Variants in PCDHGA8 observed in about 807,000 individuals in gnomAD.
The protein encoded by PCDHGA8 is protocadherin gamma subfamily A, 8.
Under a neutral mutation model 59.2 loss-of-function variants are expected in PCDHGA8, and 45 were observed. That is an observed-to-expected ratio of 0.76 (90% CI 0.60 to 0.98). The LOEUF is 0.98. Ranked by LOEUF, PCDHGA8 falls within the 50% of genes least tolerant of loss-of-function variation. The probability of loss-of-function intolerance (pLI) is 0.00; values close to 1 mark genes in which losing one functional copy is unlikely to be tolerated. For synonymous variants in PCDHGA8, 531 were observed against 519.0 expected (o/e 1.02, Z -0.32); for missense variants, 1,257 against 1,196.2 (o/e 1.05, Z -0.75).
Position 141,493,858 on chromosome 5 carries a change from C to A in PCDHGA8, c.2425-949C>A, listed in dbSNP as rs2099750481. Among the ~76,000 whole-genome samples, 1 of 152,184 alleles carries A rather than the reference C, an allele frequency of 6.6e-6. No homozygotes were observed. The highest frequency in any genetic ancestry group is 1.5e-5 in the Non-Finnish European group (1 of 68,030). On this transcript the variant is annotated intron_variant, in intron 1 of 3. Transcript: ENST00000398604. The surrounding 1 kb of genome is among the most constrained non-coding windows in gnomAD (Gnocchi z 4.3). ...AGTATGAGTATTAATTACCAGCCCA[C>A]CCCAGAACCAGTGAGGAGGTGGCTC...
At chr5:141,415,740 G>GTTTTTTTTTTTTTTTTT (rs57426385) in intron 1 of PCDHGA8, 21 of 625,042 alleles carry the variant, frequency 3.4e-5, no homozygotes, top group African/African-American at 7.5e-5. Flanking sequence ...GTTTATTAAG[G>GTTTTTTTTTTTTTTTTT]TTTTTTTTTT....
intron 1 of PCDHGA8, chr5:141,399,313 A>C: frequency 6.2e-7 from 1 of 1,613,952 alleles, no homozygotes; most frequent in Non-Finnish European, 8.5e-7. Flanking sequence ...TTCATCCAAA[A>C]ATTCGTATAA....
At chr5:141,419,635 G>A in intron 1 of PCDHGA8, 1 of 1,612,480 alleles carries the variant, frequency 6.2e-7, no homozygotes, top group African/African-American at 1.3e-5. Flanking sequence ...CCAAGGTGGT[G>A]GCCGTGGACG....
At chr5:141,441,386 G>A (rs2098243752) in intron 1 of PCDHGA8, 1 of 153,358 alleles carries the variant, frequency 6.5e-6, no homozygotes, top group African/African-American at 2.4e-5. Flanking sequence ...ACAGACCCAA[G>A]GTATAACATC....
At chr5:141,425,289 A>C (rs17208404) in intron 1 of PCDHGA8, among the ~76,000 whole-genome samples, 26,691 of 152,172 alleles carry the variant, frequency 0.18, 2,539 homozygotes, top group Admixed American at 0.28. Flanking sequence ...CATATTATAA[A>C]ACCTCATCTA....
rs747917835 is a variant in PCDHGA8 at position 141,487,659 on chromosome 5, AT to A, written c.2425-7147del. 3.7e-6 allele frequency: 6 copies of A among 1,613,466 alleles called. No homozygotes were observed. Among genetic ancestry groups the A allele is most frequent in the Non-Finnish European group, 5.1e-6 (6 of 1,179,716 alleles). On this transcript the variant is annotated intron_variant, in intron 1 of 3. Coordinates refer to ENST00000398604, the MANE Select transcript of PCDHGA8 (RefSeq NM_032088.2). This position sits in a 1 kb window ranked among gnomAD's most constrained non-coding sequence, Gnocchi z 5.0. ...CAACAAATGCTTGAGGGTTATTCTGATCCAGGCATATGGCTAGGCCATGTCC... is the reference window on the plus strand; with the variant it reads ...CAACAAATGCTTGAGGGTTATTCTGACCAGGCATATGGCTAGGCCATGTCC...
rs2097419057 is a variant in PCDHGA8 at position 141,431,807 on chromosome 5, A to G, written c.2424+36570A>G. 4 of 1,614,050 alleles carry G rather than the reference A, an allele frequency of 2.5e-6. No individual in the cohort carries two copies. Among genetic ancestry groups the G allele is most frequent in the Non-Finnish European group, 2.5e-6 (3 of 1,180,038 alleles). On this transcript the variant is annotated intron_variant, in intron 1 of 3. Coordinates refer to ENST00000398604, the MANE Select transcript of PCDHGA8 (RefSeq NM_032088.2). This position sits in a 1 kb window ranked among gnomAD's most constrained non-coding sequence, Gnocchi z 4.8. ...CGACAATGCCCCAGAAGTGGTCCTC[A>G]CCTCTCTCGCCAGCTCGGTTCCCGA... is the stretch of plus-strand genomic sequence containing the variant.
rs142172414 is a variant in PCDHGA8, at chr5:141,477,145, G to A, written c.2425-17662G>A. On this transcript the variant is annotated intron_variant, in intron 1 of 3. Coordinates refer to ENST00000398604, the MANE Select transcript of PCDHGA8 (RefSeq NM_032088.2). The surrounding 1 kb of genome is among the most constrained non-coding windows in gnomAD (Gnocchi z 4.9). ...ATTGCAAAGTGTTGGTGGAGGTTGT[G>A]GATGTGAATGACAACGCCCCGGAGA... The A allele has an allele frequency of 3.7e-6, 6 of 1,614,054 alleles. No homozygotes were observed. The African/African-American group carries it at 8.0e-5, about 22-fold the overall frequency.
intron 1 of PCDHGA8, among the ~76,000 whole-genome samples, chr5:141,406,983 A>G (rs997882236): frequency 6.6e-6 from 1 of 152,250 alleles, no homozygotes; most frequent in Non-Finnish European, 1.5e-5. Context: ...AACATTTCAC[A>G]AGACATTTGA....
intron 1 of PCDHGA8, chr5:141,415,094 A>T: frequency 1.9e-6 from 3 of 1,613,530 alleles, no homozygotes; most frequent in Non-Finnish European, 2.5e-6. Flanking sequence ...CTGGACAGAG[A>T]CGCGCTCAAG....
At chr5:141,422,791 G>T (rs2096673253) in intron 1 of PCDHGA8, 2 of 1,614,020 alleles carry the variant, frequency 1.2e-6, no homozygotes, top group South Asian at 1.1e-5. Context: ...ACAATCCTTC[G>T]ACTATGAGCA....
intron 1 of PCDHGA8, chr5:141,427,815 G>A: frequency 6.5e-7 from 1 of 1,527,760 alleles, no homozygotes; most frequent in Non-Finnish European, 9.0e-7. Context: ...ACAGAGCGGG[G>A]TGGTGGTCGC....
chr5:141,501,964 A>G (rs1374872785), intron 2 of PCDHGA8, among the ~76,000 whole-genome samples: 1 of 151,854 alleles, frequency 6.6e-6, no homozygotes, highest in East Asian at 1.9e-4. Flanking sequence ...TCATCCTCCT[A>G]ACCTCTGGCA....
In PCDHGA8 at chr5:141,490,795, C is replaced by A; in HGVS notation, c.2425-4012C>A. The A allele has an allele frequency of 1.3e-5, 21 of 1,614,036 alleles. No homozygotes were observed. Among genetic ancestry groups the A allele is most frequent in the Non-Finnish European group, 1.8e-5 (21 of 1,179,922 alleles). On this transcript the variant is annotated intron_variant, in intron 1 of 3. Coordinates refer to ENST00000398604, the MANE Select transcript of PCDHGA8 (RefSeq NM_032088.2). This position sits in a 1 kb window ranked among gnomAD's most constrained non-coding sequence, Gnocchi z 5.4. ...CCCAGAGGATGGACGGATCTTTGCC[C>A]AGCGTACCTTTGACTATGAATTGCT...
At position 141,393,746 on chromosome 5, in the gene PCDHGA8, A is replaced by G. The variant is rs1167040701; in HGVS notation, c.933A>G (p.Glu311=). 6 of 1,613,800 alleles carry G rather than the reference A, an allele frequency of 3.7e-6. No individual in the cohort carries two copies. The highest frequency in any genetic ancestry group is 1.1e-5 in the South Asian group (1 of 91,088). Residue 311 remains glutamate (E), a synonymous_variant, in exon 1 of 4, where the codon GAA becomes GAG. Transcript: ENST00000398604. ...TAGCAAAAAGTCTAGATTATGAAGA[A>G]TGTTCATTTTATGAAATGGAAATAC... is the stretch of plus-strand genomic sequence containing the variant. ...ISIAKSLDYE[E]CSFYEMEIQA...
intron 1 of PCDHGA8, among the ~76,000 whole-genome samples, chr5:141,473,413 G>A (rs1282997381): frequency 6.6e-6 from 1 of 152,156 alleles, no homozygotes; most frequent in Non-Finnish European, 1.5e-5. Context: ...CTTCTTCAGT[G>A]GGGGAAGCAG....
chr5:141,495,977 T>C (rs2099765025), intron 2 of PCDHGA8, among the ~76,000 whole-genome samples: 1 of 152,174 alleles, frequency 6.6e-6, no homozygotes, highest in Admixed American at 6.5e-5. Flanking sequence ...TCTGTTACTC[T>C]TTCTTTATCT....
At chr5:141,470,139 A>AT (rs146570937) in intron 1 of PCDHGA8, among the ~76,000 whole-genome samples, 7,047 of 152,316 alleles carry the variant, frequency 0.046, 200 homozygotes, top group Middle Eastern at 0.092. Flanking sequence ...AAAAAAAAAG[A>AT]TCATAGATCA....
At chr5:141,430,888 T>C (rs1447560622) in intron 1 of PCDHGA8, 5 of 1,605,402 alleles carry the variant, frequency 3.1e-6, no homozygotes, top group Admixed American at 1.7e-5. Context: ...AGAAAGGCTC[T>C]AGGGTGGGCG....
Sources: gnomAD v4.1 joint callset for allele counts (sites outside exome capture counted in the v4.1 genomes callset) on GRCh38, gnomAD v4.1.1 for gene constraint, Gnocchi (gnomAD v3.1) non-coding constraint, MANE v1.5 for transcripts, NCBI Gene and HGNC (gene_info 2026-07-23, HGNC 2026-07-21) for gene names.